The following SHROOM4 variants were observed in gnomAD, a reference collection of about 807,000 sequenced individuals.
SHROOM4 encodes shroom family member 4, also known as protein Shroom4.
SHROOM4 carries 17 observed loss-of-function variants against 80.3 expected under a neutral mutation model. The observed-to-expected ratio is 0.21, with a 90% CI of 0.14 to 0.32. The LOEUF is 0.32. SHROOM4 is among the 10% of genes least tolerant of loss of function. SHROOM4 has a pLI of 1.00. For missense variants in SHROOM4, 993 were observed against 1,140.3 expected (o/e 0.87, Z 1.86); for synonymous variants, 400 against 437.5 (o/e 0.91, Z 1.07).
rs781954225 is a variant in SHROOM4, at chrX:50,778,156, C to T, written c.117+35746G>A. 3.6e-5 allele frequency among the ~76,000 whole-genome samples: 4 copies of T among 111,987 alleles called. No homozygotes were observed. The South Asian group carries it at 1.5e-3, about 42-fold the overall frequency. On this transcript the variant is annotated intron_variant, in intron 1 of 8. Transcript: ENST00000376020. ...ATGTATCAAGAATCAGCTTTCTGAC[C>T]ATGTTAATCCTTTGCTCAGACTACT...
intron 1 of SHROOM4, among the ~76,000 whole-genome samples, chrX:50,779,356 G>T (rs1444513639): frequency 8.9e-6 from 1 of 112,312 alleles, no homozygotes; most frequent in East Asian, 2.8e-4. Context: ...TGAGGTAAAA[G>T]TTGATGGTTT....
At chrX:50,607,266 T>C in intron 6 of SHROOM4, 115 bp downstream of exon 6, 1 of 746,169 alleles carries the variant, frequency 1.3e-6, no homozygotes, top group Admixed American at 2.6e-5. Context: ...AAACTGAGGC[T>C]GGGAGCAGTT....
chrX:50,642,178 T>C (rs782703397), intron 2 of SHROOM4, among the ~76,000 whole-genome samples: 14 of 112,452 alleles, frequency 1.2e-4, no homozygotes, highest in Non-Finnish European at 3.8e-5. Context: ...ATTCAAACTG[T>C]AGTTGTGTGG....
intron 2 of SHROOM4, among the ~76,000 whole-genome samples, chrX:50,658,832 C>A (rs782104699): frequency 1.8e-5 from 2 of 111,469 alleles, no homozygotes; most frequent in South Asian, 7.6e-4. Flanking sequence ...AAGCAGTCCG[C>A]AGGATACTGC....
At chrX:50,621,122 C>A (rs1308209229) in intron 5 of SHROOM4, among the ~76,000 whole-genome samples, 2 of 111,978 alleles carry the variant, frequency 1.8e-5, no homozygotes, top group Non-Finnish European at 3.8e-5. Context: ...ACTTTCTATA[C>A]AGTATGTGAT....
Position 50,634,399 on chromosome X carries a change from G to A in SHROOM4, c.1674C>T (p.Ser558=), listed in dbSNP as rs1557255169. ...CCATCCGGCTGCACTCCTTGGGCTC[G>A]CTGTCCCCTTCTTCACCTGCCTCTG... The part of the protein sequence containing the change: ...SGTEAGEEGD[S]EPKECSRMGG... The change falls in exon 4 of 9, where the codon AGC becomes AGT. Residue 558 remains serine, a synonymous_variant. Transcript: ENST00000376020. The A allele has an allele frequency of 1.2e-5, 14 of 1,208,914 alleles. No homozygotes were observed. The highest frequency in any genetic ancestry group is 5.3e-5 in the African/African-American group (3 of 56,984).
At chrX:50,577,289 C>T in the SHROOM4 span, among the ~76,000 whole-genome samples, 1 of 112,805 alleles carries the variant, frequency 8.9e-6, no homozygotes, top group East Asian at 2.8e-4. Flanking sequence ...GGGCTACAGT[C>T]TAGCATAACA....
At chrX:50,644,183 A>G (rs1931732689) in intron 2 of SHROOM4, among the ~76,000 whole-genome samples, 1 of 112,219 alleles carries the variant, frequency 8.9e-6, no homozygotes, top group Non-Finnish European at 1.9e-5. Flanking sequence ...AGATCCAAAG[A>G]AAACCCAATT....
rs1274993180 is a variant in SHROOM4, at chrX:50,634,852, C to A, written c.1221G>T (p.Gly407=). ...GCTGTTCAGGGGCACTATGGCGATG[C>A]CCTGTGGGTCCTATGAGATGTGGAG... is the stretch of plus-strand genomic sequence containing the variant. ...GRPPHLIGPT[G]HRHSAPEQLL... is the part of the protein sequence containing the mutation. The change falls in exon 4 of 9, where the codon GGG becomes GGT. Residue 407 remains glycine, a synonymous_variant. Transcript: ENST00000376020. 1 of 1,205,549 alleles carries A rather than the reference C, an allele frequency of 8.3e-7. No individual in the cohort carries two copies. Among genetic ancestry groups the A allele is most frequent in the Non-Finnish European group, 1.1e-6 (1 of 892,661 alleles).
At chrX:50,794,836 T>C (rs1053604835) in intron 1 of SHROOM4, among the ~76,000 whole-genome samples, 1 of 104,285 alleles carries the variant, frequency 9.6e-6, no homozygotes, top group African/African-American at 3.5e-5. Flanking sequence ...TGTAATGAAA[T>C]TTCTTTTTAA....
At chrX:50,722,646 ATCTCTCTC>A (rs371067544) in intron 1 of SHROOM4, among the ~76,000 whole-genome samples, 1 of 105,540 alleles carries the variant, frequency 9.5e-6, no homozygotes, top group Non-Finnish European at 2.0e-5. Context: ...CCTTCCTTTC[ATCTCTCTC>A]TCTCTCTCTC....
intron 2 of SHROOM4, among the ~76,000 whole-genome samples, chrX:50,656,699 T>C (rs1465505366): frequency 7.2e-5 from 8 of 110,736 alleles, no homozygotes; most frequent in Admixed American, 1.9e-4. Flanking sequence ...CTCCAGCTTT[T>C]TTTTTTTCCT....
intron 1 of SHROOM4, among the ~76,000 whole-genome samples, chrX:50,717,221 TTTTG>T (rs781862287): frequency 1.8e-5 from 2 of 111,521 alleles, no homozygotes; most frequent in Non-Finnish European, 3.8e-5. Flanking sequence ...GCCATGGTTT[TTTTG>T]TTTGTTTGTT....
At position 50,814,122 on chromosome X, in the gene SHROOM4, C is replaced by T; in HGVS notation, c.-104G>A. ...ATCGCCCTCCAGCTCTACGCCACCC[C>T]GCACCGCCCTGCTCCGCCTACTCTC... is the stretch of plus-strand genomic sequence containing the variant. On this transcript the variant is annotated 5_prime_UTR_variant, in exon 1 of 9. Coordinates refer to ENST00000376020, the MANE Select transcript of SHROOM4 (RefSeq NM_020717.5). 3 of 560,533 alleles carry T rather than the reference C, an allele frequency of 5.4e-6. No homozygotes were observed. The South Asian group carries it at 7.5e-5, about 14-fold the overall frequency. 46.2% of individuals were successfully genotyped at this position (560,533 alleles called of 1,213,427 possible). A position where few individuals can be genotyped will look rare whatever the true frequency, so the allele number is the denominator to read the frequency against.
At chrX:50,641,368 C>T (rs936652671) in intron 2 of SHROOM4, among the ~76,000 whole-genome samples, 4 of 112,232 alleles carry the variant, frequency 3.6e-5, no homozygotes, top group Non-Finnish European at 7.5e-5. Context: ...AGAAAGGAAA[C>T]AATAATTCCT....
intron 1 of SHROOM4, among the ~76,000 whole-genome samples, chrX:50,804,719 A>G (rs782433044): frequency 7.1e-5 from 8 of 112,310 alleles, no homozygotes; most frequent in Non-Finnish European, 1.5e-4. Flanking sequence ...AAATGAAAAT[A>G]CATGTAAAAC....
rs544798848 is a variant in SHROOM4 at position 50,747,274 on chromosome X, A to G, written c.118-51337T>C. ...TTTCATCTGTGTGGCAATAAATGCCACCTGGGACCCTGTATTTTTATTGCT... is the reference window on the plus strand; with the variant it reads ...TTTCATCTGTGTGGCAATAAATGCCGCCTGGGACCCTGTATTTTTATTGCT... On this transcript the variant is annotated intron_variant, in intron 1 of 8. Transcript: ENST00000376020. 2.7e-5 allele frequency among the ~76,000 whole-genome samples: 3 copies of G among 112,141 alleles called. 1 individual carries two copies. The South Asian group carries it at 1.1e-3, about 42-fold the overall frequency.
intron 8 of SHROOM4, among the ~76,000 whole-genome samples, 172 bp downstream of exon 8, chrX:50,598,094 C>T (rs924198047): frequency 1.1e-4 from 12 of 111,600 alleles, no homozygotes; most frequent in Non-Finnish European, 1.5e-4. Context: ...CCGCTTTGGC[C>T]TCCCAAAGTA....
intron 1 of SHROOM4, among the ~76,000 whole-genome samples, chrX:50,728,422 T>C (rs782204503): frequency 8.9e-6 from 1 of 112,162 alleles, no homozygotes; most frequent in South Asian, 3.7e-4. Context: ...CCAACATCAC[T>C]GGACATCTGA....
Sources: allele counts gnomAD v4.1 joint callset (sites outside exome capture counted in the v4.1 genomes callset), GRCh38; gene constraint gnomAD v4.1.1; transcripts MANE v1.5; gene names NCBI Gene and HGNC (gene_info 2026-07-23, HGNC 2026-07-21).